Variants in RRP12 observed in about 807,000 individuals in gnomAD.
RRP12 encodes ribosomal RNA processing 12 homolog.
A neutral mutation model predicts 157.3 loss-of-function variants in RRP12; 78 were observed. The observed-to-expected ratio is 0.50, with a 90% confidence interval of 0.41 to 0.60. The LOEUF (loss-of-function observed/expected upper bound fraction) is 0.60. RRP12 is among the 20% of genes least tolerant of loss of function. RRP12 has a pLI of 0.00. For synonymous variants in RRP12, 726 were observed against 670.9 expected (o/e 1.08, Z -1.27); for missense variants, 1,521 against 1,679.9 (o/e 0.91, Z 1.65).
chr10:97,387,270 G>A (rs1004469051), intron 8 of RRP12, among the ~76,000 whole-genome samples: 6 of 151,730 alleles, frequency 4.0e-5, no homozygotes, highest in Non-Finnish European at 5.9e-5. Flanking sequence ...CAGTACAGAA[G>A]CAACCAACCA....
intron 32 of RRP12, 73 bp from the exon 33 acceptor site, chr10:97,358,692 G>A: frequency 8.6e-7 from 1 of 1,166,304 alleles, no homozygotes; most frequent in Non-Finnish European, 1.3e-6. Context: ...GACTTGACAG[G>A]CCCCATAACC....
intron 6 of RRP12, among the ~76,000 whole-genome samples, chr10:97,389,838 G>A (rs1397542022): frequency 1.3e-5 from 2 of 151,896 alleles, no homozygotes; most frequent in Admixed American, 6.6e-5. Flanking sequence ...TCAGCCTCCC[G>A]AGTAGCTGGG....
intron 4 of RRP12, among the ~76,000 whole-genome samples, chr10:97,392,695 A>ATTT (rs112790671): frequency 2.1e-5 from 3 of 144,398 alleles, no homozygotes; most frequent in Non-Finnish European, 3.0e-5. Context: ...TTTTCTTTCT[A>ATTT]TTTTTTTTTT....
Position 97,369,710 on chromosome 10 carries a change from G to T in RRP12, c.2798-128C>A, listed in dbSNP as rs116566983. On this transcript the variant is annotated intron_variant, in intron 24 of 33. Transcript: ENST00000370992. ...ATTGAGAGCCTTTCCGTATGCCCGG[G>T]ATGGTTCCAATCACGCTCCATGGAG... 1.9e-3 allele frequency: 1,957 copies of T among 1,012,282 alleles called. 23 individuals carry two copies. The African/African-American group carries it at 0.028, about 15-fold the overall frequency. 62.7% of individuals were successfully genotyped at this position (1,012,282 alleles called of 1,614,324 possible).
At chr10:97,398,844 G>A (rs1175716441) in intron 2 of RRP12, among the ~76,000 whole-genome samples, 1 of 152,034 alleles carries the variant, frequency 6.6e-6, no homozygotes, top group African/African-American at 2.4e-5. Flanking sequence ...TAGCATCTAA[G>A]TAGGGGTATA....
chr10:97,393,700 T>C lies in RRP12; in HGVS notation c.514A>G (p.Asn172Asp). The C allele has an allele frequency of 1.2e-6, 2 of 1,614,054 alleles. No individual in the cohort carries two copies. Among genetic ancestry groups the C allele is most frequent in the South Asian group, 2.2e-5 (2 of 91,080 alleles). The change falls in exon 4 of 34, where the codon AAC becomes GAC. Residue 172 changes from asparagine to aspartate, a missense_variant. Transcript: ENST00000370992. The part of the protein sequence containing the change: ...ESLAAVAYLL[N>D]LVLKRVPSPV... ...AGAACTCACCGCTTCAGGACAAGGTTCAGCAGGTAAGCAACGGCGGCCAGG... is the reference window on the plus strand; with the variant it reads ...AGAACTCACCGCTTCAGGACAAGGTCCAGCAGGTAAGCAACGGCGGCCAGG...
At chr10:97,370,407 C>A (rs111916860) in intron 23 of RRP12, 48 bp downstream of exon 23, 59 of 1,090,984 alleles carry the variant, frequency 5.4e-5, no homozygotes, top group African/African-American at 3.5e-4. Flanking sequence ...TGCTTCCCCC[C>A]ACCCAGTCTA....
At position 97,366,232 on chromosome 10, in the gene RRP12, G is replaced by A; in HGVS notation, c.3393C>T (p.Ala1131=). ...LDPKVAQRVL[A]TQPGPGRGRK... ...TGCCCCGGCCTGGCCCTGGCTGCGTGGCTGGGGTGTAGAGTTTGGCATGAG... is the reference window on the plus strand; with the variant it reads ...TGCCCCGGCCTGGCCCTGGCTGCGTAGCTGGGGTGTAGAGTTTGGCATGAG... Residue 1131 remains alanine, a splice_region_variant and synonymous_variant, in exon 29 of 34, where the codon GCC becomes GCT. Coordinates refer to ENST00000370992, the MANE Select transcript of RRP12 (RefSeq NM_015179.4). 1 of 1,611,578 alleles carries A rather than the reference G, an allele frequency of 6.2e-7. No homozygotes were observed. Among genetic ancestry groups the A allele is most frequent in the South Asian group, 1.1e-5 (1 of 91,072 alleles).
chr10:97,381,696 T>C lies in RRP12; in HGVS notation c.1320+19A>G, dbSNP rs1365481237. 6.3e-7 allele frequency: 1 copy of C among 1,596,664 alleles called. No homozygotes were observed. Among genetic ancestry groups the C allele is most frequent in the Non-Finnish European group, 8.6e-7 (1 of 1,164,098 alleles). The stretch of plus-strand genomic sequence containing the variant: ...AGAACCCCCTGTGCTCTCTGCTTCC[T>C]CAGCTAAAGTTGCAGTACCTTGAGG... On this transcript the variant is annotated intron_variant, in intron 11 of 33. Transcript: ENST00000370992.
intron 28 of RRP12, 50 bp from the exon 29 acceptor site, chr10:97,366,283 C>T (rs1438942873): frequency 1.2e-6 from 2 of 1,601,724 alleles, no homozygotes; most frequent in Admixed American, 1.7e-5. Context: ...TCCCATGCTA[C>T]TCACCCTCAT....
At chr10:97,397,992 C>CATATATATACATATACATATAT (rs1564772333) in intron 2 of RRP12, among the ~76,000 whole-genome samples, 1 of 42,792 alleles carries the variant, frequency 2.3e-5, no homozygotes, top group Non-Finnish European at 4.4e-5. Flanking sequence ...AAAAAAAATA[C>CATATATATACATATACATATAT]GTATATATAT....
At chr10:97,389,092 C>T (rs1057072110) in intron 6 of RRP12, among the ~76,000 whole-genome samples, 7 of 152,064 alleles carry the variant, frequency 4.6e-5, no homozygotes, top group African/African-American at 9.7e-5. Flanking sequence ...GGGGCTGCTA[C>T]TTTTGTTGTT....
At chr10:97,383,219 C>T (rs1298566502) in intron 10 of RRP12, among the ~76,000 whole-genome samples, 3 of 152,152 alleles carry the variant, frequency 2.0e-5, no homozygotes, top group East Asian at 1.9e-4. Context: ...TGTGCTCCTG[C>T]GGGCTGAAGC....
chr10:97,366,069 T>G (rs1384102057), intron 29 of RRP12, 39 bp downstream of exon 29: 1 of 1,599,752 alleles, frequency 6.3e-7, no homozygotes, highest in Admixed American at 1.7e-5. Flanking sequence ...AAGGAATAAG[T>G]GAACACGGTG....
At chr10:97,397,840 T>C (rs995742811) in intron 2 of RRP12, among the ~76,000 whole-genome samples, 1 of 149,784 alleles carries the variant, frequency 6.7e-6, no homozygotes, top group Non-Finnish European at 1.5e-5. Flanking sequence ...TCCCCTGTAG[T>C]CCCAGCTACT....
At position 97,385,147 on chromosome 10, in the gene RRP12, AC is replaced by A. The variant is rs760469066; in HGVS notation, c.1208+18del. 1 of 1,588,612 alleles carries A rather than the reference AC, an allele frequency of 6.3e-7. No homozygotes were observed. Among genetic ancestry groups the A allele is most frequent in the South Asian group, 1.1e-5 (1 of 90,370 alleles). ...AACAGCCTGGACAGAGGCCCTAAGC[AC>A]CCCTCCTTCATCCGTACCTCACCAG... On this transcript the variant is annotated intron_variant, in intron 10 of 33. Coordinates refer to ENST00000370992, the MANE Select transcript of RRP12 (RefSeq NM_015179.4).
chr10:97,381,483 C>T lies in RRP12; in HGVS notation c.1321G>A (p.Glu441Lys). Reference sequence around the variant, plus strand: ...GGAGCCACGCATTCCTTCAGGATCTCCTGCGAAGAGAGGCCACAGGCTTTC... The same window carrying T: ...GGAGCCACGCATTCCTTCAGGATCTTCTGCGAAGAGAGGCCACAGGCTTTC... ...VLTAATQSLK[E>K]ILKECVAPHM... is the part of the protein sequence containing the mutation. The change falls in exon 12 of 34, where the codon GAG becomes AAG. Residue 441 changes from glutamate to lysine, a missense_variant and splice_region_variant. Physicochemically the swap from Glu to Lys is moderately conservative, Grantham distance 56 (BLOSUM62 1). Coordinates refer to ENST00000370992, the MANE Select transcript of RRP12 (RefSeq NM_015179.4). 6.2e-7 allele frequency: 1 copy of T among 1,608,182 alleles called. No homozygotes were observed. Among genetic ancestry groups the T allele is most frequent in the African/African-American group, 1.3e-5 (1 of 74,848 alleles).
chr10:97,366,142 G>GCCT lies in RRP12; in HGVS notation c.3482_3483insAGG (p.Asp1161delinsGluGly). ...CTTCCTCTTCCTCCATCTTGTTGCC[G>GCCT]TCTGCCTCCTCCCTTATGATCAGCC... On this transcript the variant is annotated protein_altering_variant, in exon 29 of 34. Coordinates refer to ENST00000370992, the MANE Select transcript of RRP12 (RefSeq NM_015179.4). 1 of 1,605,874 alleles carries GCCT rather than the reference G, an allele frequency of 6.2e-7. No homozygotes were observed.
intron 10 of RRP12, among the ~76,000 whole-genome samples, chr10:97,383,326 GGCCAGAGACCTGGCC>G (rs1326016276): frequency 6.6e-6 from 1 of 152,200 alleles, no homozygotes; most frequent in Non-Finnish European, 1.5e-5. Flanking sequence ...GGCAGACCTG[GGCCAGAGACCTGGCC>G]TTACTCATCA....
Sources: allele counts gnomAD v4.1 joint callset (sites outside exome capture counted in the v4.1 genomes callset), GRCh38; gene constraint gnomAD v4.1.1; transcripts MANE v1.5; gene names NCBI Gene and HGNC (gene_info 2026-07-23, HGNC 2026-07-21).